The following LRRC37A2 variants were observed in gnomAD, a reference collection of about 807,000 sequenced individuals.
LRRC37A2 encodes leucine rich repeat containing 37 member A2.
LRRC37A2 carries 9 observed loss-of-function variants against 68.8 expected under a neutral mutation model. That is an observed-to-expected ratio of 0.13 (90% confidence interval 0.08 to 0.23). The LOEUF is 0.23. Among genes scored for constraint, LRRC37A2 ranks in the 10% least tolerant of loss-of-function variants. The probability of loss-of-function intolerance (pLI) is 1.00; values close to 1 mark genes in which losing one functional copy is unlikely to be tolerated. For synonymous variants in LRRC37A2, 63 were observed against 367.6 expected, an observed-to-expected ratio of 0.17 and a Z score of 9.48; for missense variants, 168 against 950.4, an observed-to-expected ratio of 0.18 and a Z score of 10.82.
chr17:46,541,677 T>G (rs1457159490), intron 8 of LRRC37A2, among the ~76,000 whole-genome samples: 1 of 150,790 alleles, frequency 6.6e-6, no homozygotes, highest in African/African-American at 2.5e-5. Flanking sequence ...TGGGGAATAT[T>G]TGGAAAAAAT....
At chr17:46,933,865 C>T in the LRRC37A2 span, among the ~76,000 whole-genome samples, 5 of 151,568 alleles carry the variant, frequency 3.3e-5, no homozygotes, top group African/African-American at 1.2e-4. Context: ...TCTCTGGAGC[C>T]TGAGGTGAGA....
the LRRC37A2 span, among the ~76,000 whole-genome samples, chr17:46,738,045 C>T: frequency 4.6e-5 from 7 of 151,828 alleles, no homozygotes; most frequent in Non-Finnish European, 7.4e-5. Flanking sequence ...TTGATCCTCC[C>T]GCCTCAGCCC....
the LRRC37A2 span, among the ~76,000 whole-genome samples, chr17:46,772,831 T>G: frequency 6.6e-6 from 1 of 150,922 alleles, no homozygotes; most frequent in Admixed American, 6.6e-5. Context: ...TCTGGCTGTA[T>G]AGGCAGCTCT....
At chr17:46,532,763 GAAC>G (rs2053888579) in intron 6 of LRRC37A2, among the ~76,000 whole-genome samples, 1 of 147,220 alleles carries the variant, frequency 6.8e-6, no homozygotes, top group East Asian at 1.9e-4. Context: ...ATGTCTCTAA[GAAC>G]AATAGTAATG....
the LRRC37A2 span, among the ~76,000 whole-genome samples, chr17:46,461,622 T>C: frequency 1.3e-5 from 1 of 74,736 alleles, no homozygotes; most frequent in Non-Finnish European, 3.0e-5. Flanking sequence ...ATGTGTGATG[T>C]ATTTTGCAAT....
chr17:46,832,410 G>A, the LRRC37A2 span, among the ~76,000 whole-genome samples: 41 of 143,342 alleles, frequency 2.9e-4, no homozygotes, highest in South Asian at 0.01. Context: ...AGAGGGGGGT[G>A]GTGGAGGAGA....
the LRRC37A2 span, among the ~76,000 whole-genome samples, chr17:46,750,083 T>C: frequency 6.6e-6 from 1 of 152,238 alleles, no homozygotes; most frequent in Admixed American, 6.5e-5. Flanking sequence ...CCAGGCACGG[T>C]GGCTTATGCC....
chr17:46,872,304 C>T, the LRRC37A2 span, among the ~76,000 whole-genome samples: 37 of 152,290 alleles, frequency 2.4e-4, no homozygotes, highest in East Asian at 7.1e-3. Context: ...AGAGCAGAGA[C>T]CGGAATCTGG....
chr17:46,872,186 A>G, the LRRC37A2 span, among the ~76,000 whole-genome samples: 1 of 152,132 alleles, frequency 6.6e-6, no homozygotes, highest in Non-Finnish European at 1.5e-5. Flanking sequence ...AAACCAATAG[A>G]CCCAGAATTG....
chr17:46,776,597 C>CT, the LRRC37A2 span, among the ~76,000 whole-genome samples: 1 of 152,182 alleles, frequency 6.6e-6, no homozygotes, highest in Non-Finnish European at 1.5e-5. Flanking sequence ...CAGGCTGCCC[C>CT]TCCCGTGCTC....
At chr17:46,912,384 C>T in the LRRC37A2 span, among the ~76,000 whole-genome samples, 2 of 152,322 alleles carry the variant, frequency 1.3e-5, no homozygotes, top group South Asian at 4.1e-4. Flanking sequence ...GGTAGGGGTC[C>T]AGCTCCCCGA....
downstream of LRRC37A2, chr17:46,558,836 CTTTTTTTTTTTT>C (rs765462293): frequency 1.5e-3 from 106 of 71,826 alleles, 5 homozygotes; most frequent in African/African-American, 6.9e-3. Flanking sequence ...CTCTTTTATT[CTTTTTTTTTTTT>C]TTTTTTTTTT....
chr17:46,825,854 T>C, the LRRC37A2 span, among the ~76,000 whole-genome samples: 1 of 152,200 alleles, frequency 6.6e-6, no homozygotes, highest in East Asian at 1.9e-4. Flanking sequence ...CAAAACCCTG[T>C]CTCTACTAAA....
the LRRC37A2 span, chr17:46,721,813 C>T: frequency 3.1e-6 from 5 of 1,600,000 alleles, no homozygotes; most frequent in Non-Finnish European, 2.6e-6. Flanking sequence ...GAGTACGGCT[C>T]CTGGGACACT....
the LRRC37A2 span, chr17:46,931,203 A>G: frequency 6.9e-7 from 1 of 1,452,340 alleles, no homozygotes; most frequent in Non-Finnish European, 9.7e-7. Flanking sequence ...GCAAAATGCC[A>G]GACTGTAAGT....
chr17:46,787,767 A>G, the LRRC37A2 span, among the ~76,000 whole-genome samples: 1 of 152,222 alleles, frequency 6.6e-6, no homozygotes, highest in African/African-American at 2.4e-5. Flanking sequence ...CAGCCTGGCC[A>G]ACATGGCGAA....
chr17:46,907,865 A>G, the LRRC37A2 span, among the ~76,000 whole-genome samples: 2 of 151,700 alleles, frequency 1.3e-5, no homozygotes, highest in Non-Finnish European at 2.9e-5. Flanking sequence ...TAAAAAAAAA[A>G]AGTGTGTGCG....
chr17:47,025,984 C>G, the LRRC37A2 span, among the ~76,000 whole-genome samples: 7 of 135,578 alleles, frequency 5.2e-5, no homozygotes. Context: ...TGAGCAAGAC[C>G]TAGTCCATGC....
chr17:46,878,160 C>T, the LRRC37A2 span, among the ~76,000 whole-genome samples: 22 of 152,344 alleles, frequency 1.4e-4, no homozygotes, highest in Admixed American at 9.8e-4. Flanking sequence ...GAGTGGGGCC[C>T]GATGCCACCC....
Sources: gnomAD v4.1 joint callset for allele counts (sites outside exome capture counted in the v4.1 genomes callset) on GRCh38, gnomAD v4.1.1 for gene constraint, MANE v1.5 for transcripts, NCBI Gene and HGNC (gene_info 2026-07-23, HGNC 2026-07-21) for gene names.